Variants in GAB2 observed in about 807,000 individuals in gnomAD.
The protein encoded by GAB2 is GRB2-associated-binding protein 2.
A neutral mutation model predicts 65.5 loss-of-function variants in GAB2; 26 were observed. The observed-to-expected ratio is 0.40, with a 90% CI of 0.29 to 0.55. GAB2 has a LOEUF of 0.55. Among genes scored for constraint, GAB2 ranks in the 20% least tolerant of loss-of-function variants. GAB2 has a pLI of 0.53. For synonymous variants in GAB2, 321 were observed against 329.6 expected, an observed-to-expected ratio of 0.97 and a Z score of 0.28; for missense variants, 884 against 875.8, an observed-to-expected ratio of 1.01 and a Z score of -0.12.
intron 2 of GAB2, chr11:78,280,312 G>A (rs1866297530): frequency 4.6e-6 from 2 of 431,300 alleles, no homozygotes; most frequent in Non-Finnish European, 4.2e-6. Context: ...ACAGGGAAGA[G>A]AGAAAACAGG....
chr11:78,220,293 T>C (rs1250911872), intron 9 of GAB2, 26 bp downstream of exon 9: 10 of 1,611,020 alleles, frequency 6.2e-6, no homozygotes, highest in Admixed American at 1.7e-5. Flanking sequence ...GAGCTCTTAC[T>C]GCCCCCCCAA....
chr11:78,283,113 G>A (rs1866376187), intron 1 of GAB2, among the ~76,000 whole-genome samples: 1 of 152,188 alleles, frequency 6.6e-6, no homozygotes, highest in East Asian at 1.9e-4. Flanking sequence ...ACTTTCTCCT[G>A]TTCTTTGGCA....
chr11:78,220,323 C>G lies in GAB2; in HGVS notation c.1883G>C (p.Arg628Pro), dbSNP rs769709400. 3 of 1,612,116 alleles carry G rather than the reference C, an allele frequency of 1.9e-6. No individual in the cohort carries two copies. The highest frequency in any genetic ancestry group is 2.2e-5 in the South Asian group (2 of 90,930). Residue 628 changes from arginine to proline, a missense_variant, in exon 9 of 10, where the codon CGC becomes CCC. By Grantham distance (103) the Arg-to-Pro change is moderately radical (BLOSUM62 -2). Coordinates refer to ENST00000361507, the MANE Select transcript of GAB2 (RefSeq NM_080491.3). ...CCCCAACTCTACTCCAGGCACCTTGCGGTGGGGGCTTGGGGAGCTCGGCTG... is the reference window on the plus strand; with the variant it reads ...CCCCAACTCTACTCCAGGCACCTTGGGGTGGGGGCTTGGGGAGCTCGGCTG... ...DFQPSSPSPH[R>P]KPSTSSVTSD...
intron 1 of GAB2, among the ~76,000 whole-genome samples, chr11:78,409,477 G>T (rs773860919): frequency 1.1e-4 from 17 of 152,156 alleles, no homozygotes; most frequent in Non-Finnish European, 1.9e-4. Flanking sequence ...CCAACTACTT[G>T]GGAGGCTGAG....
rs565595584 is a variant in GAB2, at chr11:78,230,290, G to A, written c.621-3239C>T. On this transcript the variant is annotated intron_variant, in intron 3 of 9. Coordinates refer to ENST00000361507, the MANE Select transcript of GAB2 (RefSeq NM_080491.3). ...CTTCCCTCTACCCCGGCATCCTCCT[G>A]TCTCGCTCACAGAACTACTCACTCA... 3.3e-5 allele frequency among the ~76,000 whole-genome samples: 5 copies of A among 152,266 alleles called. 1 individual carries two copies. In the East Asian group the frequency reaches 9.7e-4, roughly 29 times the overall value.
intron 2 of GAB2, 166 bp downstream of exon 2, chr11:78,280,435 G>A: frequency 1.6e-6 from 1 of 643,514 alleles, no homozygotes; most frequent in South Asian, 1.9e-5. Flanking sequence ...CATAATTAGG[G>A]CCAGGTGTCC....
rs56802133 is a variant in GAB2 at position 78,289,497 on chromosome 11, C to A, written c.76-8596G>T. On this transcript the variant is annotated intron_variant, in intron 1 of 9. Transcript: ENST00000361507. ...GTATAGAATTCAGTAAAAACAAACA[C>A]AAAATGTGTTGAATGCTTTGACAGA... Among the ~76,000 whole-genome samples the A allele has an allele frequency of 8.5e-5, 13 of 152,226 alleles. No homozygotes were observed. In the South Asian group the frequency reaches 1.9e-3, roughly 22 times the overall value.
At chr11:78,353,388 C>T (rs1329509068) in intron 1 of GAB2, among the ~76,000 whole-genome samples, 2 of 152,162 alleles carry the variant, frequency 1.3e-5, no homozygotes, top group African/African-American at 4.8e-5. Context: ...TTGCAGTGAG[C>T]CAAGATTGTG....
intron 1 of GAB2, among the ~76,000 whole-genome samples, chr11:78,364,695 G>C (rs982506952): frequency 5.3e-5 from 8 of 152,076 alleles, no homozygotes; most frequent in Non-Finnish European, 1.2e-4. Flanking sequence ...CAAATGCTGT[G>C]ATAGGCCTTG....
At chr11:78,285,612 C>T (rs1287485904) in intron 1 of GAB2, among the ~76,000 whole-genome samples, 2 of 152,184 alleles carry the variant, frequency 1.3e-5, no homozygotes, top group African/African-American at 2.4e-5. Context: ...GGATTACAGG[C>T]GTGTGCCACT....
At chr11:78,333,399 G>A (rs1855947836) in intron 1 of GAB2, among the ~76,000 whole-genome samples, 1 of 152,124 alleles carries the variant, frequency 6.6e-6, no homozygotes, top group African/African-American at 2.4e-5. Flanking sequence ...CGAGAGCTAG[G>A]ACTACAGGAA....
chr11:78,369,655 A>G (rs1265047054), intron 1 of GAB2, among the ~76,000 whole-genome samples: 1 of 152,210 alleles, frequency 6.6e-6, no homozygotes, highest in African/African-American at 2.4e-5. Context: ...TATCTTACAT[A>G]CCAACAAGTT....
intron 2 of GAB2, among the ~76,000 whole-genome samples, chr11:78,253,013 T>TTTTTC (rs1865499334): frequency 6.9e-6 from 1 of 144,360 alleles, no homozygotes; most frequent in African/African-American, 2.6e-5. Context: ...CCTTTTTTTT[T>TTTTTC]TTTTTTTTTT....
At chr11:78,270,884 T>G (rs79924730) in intron 2 of GAB2, among the ~76,000 whole-genome samples, 1 of 152,212 alleles carries the variant, frequency 6.6e-6, no homozygotes, top group African/African-American at 2.4e-5. Flanking sequence ...TTACAGATGA[T>G]AAAACCTCCA....
chr11:78,378,928 T>G (rs1358436284), intron 1 of GAB2, among the ~76,000 whole-genome samples: 2 of 152,228 alleles, frequency 1.3e-5, no homozygotes, highest in African/African-American at 2.4e-5. Flanking sequence ...GCTGAGGGAA[T>G]GCAATGTGCT....
intron 2 of GAB2, among the ~76,000 whole-genome samples, chr11:78,279,817 T>C: frequency 6.6e-6 from 1 of 152,236 alleles, no homozygotes. Flanking sequence ...GATATTTGGG[T>C]TGTTTCCACT....
intron 1 of GAB2, among the ~76,000 whole-genome samples, chr11:78,345,775 G>A (rs1226216000): frequency 6.6e-6 from 1 of 152,212 alleles, no homozygotes; most frequent in Non-Finnish European, 1.5e-5. Flanking sequence ...AAATTCTCAT[G>A]GAACAGAGGA....
At chr11:78,319,929 G>A (rs1591035090) in intron 1 of GAB2, among the ~76,000 whole-genome samples, 1 of 151,584 alleles carries the variant, frequency 6.6e-6, no homozygotes, top group Admixed American at 6.6e-5. Flanking sequence ...GTGCTGGAGT[G>A]CACCGGTGTG....
At chr11:78,292,683 C>A (rs555150368) in intron 1 of GAB2, among the ~76,000 whole-genome samples, 26 of 152,314 alleles carry the variant, frequency 1.7e-4, no homozygotes, top group Non-Finnish European at 1.0e-4. Flanking sequence ...AACAGTTACA[C>A]ATTTTTGAAG....
Sources: gnomAD v4.1 joint callset for allele counts (sites outside exome capture counted in the v4.1 genomes callset) on GRCh38, gnomAD v4.1.1 for gene constraint, MANE v1.5 for transcripts, NCBI Gene and HGNC (gene_info 2026-07-23, HGNC 2026-07-21) for gene names.